The following RELCH variants were observed in gnomAD, a reference collection of about 807,000 sequenced individuals.
The protein encoded by RELCH is RAB11-binding protein RELCH.
In RELCH, 41 loss-of-function variants were observed where a neutral mutation model predicts 150.3. That is an observed-to-expected ratio of 0.27 (90% CI 0.21 to 0.35). The LOEUF is 0.35. Ranked by LOEUF, RELCH falls within the 10% of genes least tolerant of loss-of-function variation. The probability of loss-of-function intolerance (pLI) is 1.00; values close to 1 mark genes in which losing one functional copy is unlikely to be tolerated. For missense variants in RELCH, 1,092 were observed against 1,467.8 expected, an observed-to-expected ratio of 0.74 and a Z score of 4.18; for synonymous variants, 478 against 531.8, an observed-to-expected ratio of 0.90 and a Z score of 1.39.
In RELCH at chr18:62,279,980, T is replaced by C. The variant is rs1403520620; in HGVS notation, c.3050+124T>C. 6.1e-6 allele frequency: 4 copies of C among 655,534 alleles called. No homozygotes were observed. The Admixed American group carries it at 1.1e-4, about 18-fold the overall frequency. The allele number at this position is 655,534 out of a possible 1,614,324, so 40.6% of individuals were successfully genotyped here. On this transcript the variant is annotated intron_variant, in intron 23 of 28. Coordinates refer to ENST00000644646, the MANE Select transcript of RELCH (RefSeq NM_001346231.2). ...AATTAATAATACTGGATTATGCTTA[T>C]TTGATTTTAAACTTTATCACATTAT...
At chr18:62,218,416 A>G (rs1036017395) in intron 2 of RELCH, among the ~76,000 whole-genome samples, 2 of 151,952 alleles carry the variant, frequency 1.3e-5, no homozygotes, top group African/African-American at 4.8e-5. Flanking sequence ...GCATTTCAAG[A>G]TAATATTAGT....
chr18:62,226,176 T>G (rs1255151354), intron 5 of RELCH, among the ~76,000 whole-genome samples: 1 of 152,032 alleles, frequency 6.6e-6, no homozygotes. Flanking sequence ...TCTATCAAAT[T>G]AGTACTAAAT....
At chr18:62,275,905 G>T (rs529583857) in intron 22 of RELCH, among the ~76,000 whole-genome samples, 49 of 152,068 alleles carry the variant, frequency 3.2e-4, no homozygotes, top group African/African-American at 1.1e-3. Flanking sequence ...TATTTTATTG[G>T]TTACTCCTAC....
chr18:62,224,351 A>G (rs1466977656), intron 5 of RELCH, among the ~76,000 whole-genome samples: 2 of 152,138 alleles, frequency 1.3e-5, no homozygotes, highest in African/African-American at 4.8e-5. Flanking sequence ...CTTAATGATG[A>G]AAGATGAAGA....
intron 22 of RELCH, 114 bp downstream of exon 22, chr18:62,275,587 A>G (rs1283355528): frequency 4.3e-6 from 3 of 695,314 alleles, no homozygotes; most frequent in Non-Finnish European, 7.7e-6. Context: ...ATGTTGATAT[A>G]TATTTTATGG....
At chr18:62,259,597 A>G (rs985986936) in intron 15 of RELCH, among the ~76,000 whole-genome samples, 3 of 151,974 alleles carry the variant, frequency 2.0e-5, no homozygotes, top group African/African-American at 7.3e-5. Context: ...ATCCCTATCA[A>G]AATATGGAGG....
At chr18:62,202,622 T>C (rs974642274) in intron 1 of RELCH, among the ~76,000 whole-genome samples, 22 of 152,148 alleles carry the variant, frequency 1.4e-4, no homozygotes, top group African/African-American at 5.3e-4. Flanking sequence ...TTAAAGTGTG[T>C]GTTTGCTTTC....
At chr18:62,267,775 A>C (rs1357118394) in intron 19 of RELCH, among the ~76,000 whole-genome samples, 2 of 151,876 alleles carry the variant, frequency 1.3e-5, no homozygotes, top group African/African-American at 4.8e-5. Flanking sequence ...CTTGTGATAA[A>C]TTAGTGAAGA....
chr18:62,280,482 T>C (rs2044451738), intron 23 of RELCH, 164 bp from the exon 24 acceptor site: 1 of 1,565,900 alleles, frequency 6.4e-7, no homozygotes, highest in Non-Finnish European at 8.8e-7. Context: ...ATCCTGTCTG[T>C]CTTTTTGAGC....
chr18:62,301,771 A>G (rs1341732980), intron 28 of RELCH, among the ~76,000 whole-genome samples: 1 of 152,222 alleles, frequency 6.6e-6, no homozygotes, highest in Non-Finnish European at 1.5e-5. Flanking sequence ...GGAAGAGATG[A>G]GAAAGCTGTT....
intron 5 of RELCH, among the ~76,000 whole-genome samples, chr18:62,225,578 G>A (rs959909848): frequency 5.3e-5 from 8 of 151,956 alleles, no homozygotes; most frequent in Middle Eastern, 3.2e-3. Context: ...ATAAGCACGT[G>A]AAAAAGATTC....
At chr18:62,225,780 T>C (rs143956764) in intron 5 of RELCH, among the ~76,000 whole-genome samples, 24 of 152,062 alleles carry the variant, frequency 1.6e-4, no homozygotes, top group Admixed American at 4.6e-4. Context: ...TTGAATTATG[T>C]GTAATGTTCA....
intron 22 of RELCH, among the ~76,000 whole-genome samples, chr18:62,276,694 A>G (rs1420405631): frequency 6.6e-6 from 1 of 152,116 alleles, no homozygotes; most frequent in Non-Finnish European, 1.5e-5. Flanking sequence ...TAAAATTTTC[A>G]AATACGTAAA....
In RELCH at chr18:62,232,085, C is replaced by T. The variant is rs374314516; in HGVS notation, c.1525-247C>T. ...AGCCTATTAGGCCTCCTTGGCTTCA[C>T]CCTTGATTTTAATGGTATTTTAAAT... On this transcript the variant is annotated intron_variant, in intron 9 of 28. Coordinates refer to ENST00000644646, the MANE Select transcript of RELCH (RefSeq NM_001346231.2). Among the ~76,000 whole-genome samples, 21 of 152,014 alleles carry T rather than the reference C, an allele frequency of 1.4e-4. 2 individuals are homozygous for T. The highest frequency in any genetic ancestry group is 5.1e-4 in the African/African-American group (21 of 41,504).
intron 20 of RELCH, among the ~76,000 whole-genome samples, chr18:62,270,973 T>C (rs1047362081): frequency 6.6e-6 from 1 of 152,346 alleles, no homozygotes; most frequent in South Asian, 2.1e-4. Context: ...TGCCACATTT[T>C]CTTAATCCAA....
At chr18:62,304,202 G>A (rs894907163) in intron 28 of RELCH, among the ~76,000 whole-genome samples, 7 of 152,194 alleles carry the variant, frequency 4.6e-5, no homozygotes, top group African/African-American at 1.4e-4. Context: ...AAAGGGATGC[G>A]ATTCAATTTG....
intron 25 of RELCH, among the ~76,000 whole-genome samples, chr18:62,282,912 C>G (rs2044595114): frequency 6.6e-6 from 1 of 152,188 alleles, no homozygotes; most frequent in African/African-American, 2.4e-5. Flanking sequence ...CCTGCCTCAG[C>G]CTCCCAAAGT....
intron 1 of RELCH, among the ~76,000 whole-genome samples, chr18:62,204,498 A>G (rs2039656466): frequency 6.6e-6 from 1 of 151,732 alleles, no homozygotes; most frequent in Non-Finnish European, 1.5e-5. Flanking sequence ...TGCCCAACTA[A>G]TTTTTCGATT....
At chr18:62,213,659 G>A (rs1039662447) in intron 2 of RELCH, among the ~76,000 whole-genome samples, 4 of 150,552 alleles carry the variant, frequency 2.7e-5, no homozygotes, top group Non-Finnish European at 4.4e-5. Context: ...GAATCCAGGA[G>A]GTGGAGGTTG....
Sources: gnomAD v4.1 joint callset for allele counts (sites outside exome capture counted in the v4.1 genomes callset) on GRCh38, gnomAD v4.1.1 for gene constraint, MANE v1.5 for transcripts, NCBI Gene and HGNC (gene_info 2026-07-23, HGNC 2026-07-21) for gene names.